Variants in RALGPS1 observed in about 807,000 individuals in gnomAD.
The protein encoded by RALGPS1 is Ral GEF with PH domain and SH3 binding motif 1, also known as ras-specific guanine nucleotide-releasing factor RalGPS1.
A neutral mutation model predicts 78.8 loss-of-function variants in RALGPS1; 19 were observed. That is an observed-to-expected ratio of 0.24 (90% confidence interval 0.17 to 0.35). The LOEUF is 0.35. Among genes scored for constraint, RALGPS1 ranks in the 10% least tolerant of loss-of-function variants. RALGPS1 has a pLI of 1.00. For missense variants in RALGPS1, 454 were observed against 688.3 expected (o/e 0.66, Z 3.81); for synonymous variants, 228 against 256.3 (o/e 0.89, Z 1.06).
chr9:127,101,433 C>T (rs535843780), intron 8 of RALGPS1, among the ~76,000 whole-genome samples: 1 of 152,200 alleles, frequency 6.6e-6, no homozygotes, highest in South Asian at 2.1e-4. Flanking sequence ...CTTGCAGGCT[C>T]ACTCCATGAG....
intron 3 of RALGPS1, among the ~76,000 whole-genome samples, chr9:126,973,746 TC>T (rs1410290222): frequency 6.6e-6 from 1 of 152,108 alleles, no homozygotes; most frequent in Admixed American, 6.6e-5. Flanking sequence ...ATTAAACAAC[TC>T]CCCATTCCCT....
intron 8 of RALGPS1, among the ~76,000 whole-genome samples, chr9:127,128,812 C>T (rs1020683050): frequency 2.0e-5 from 3 of 152,218 alleles, no homozygotes; most frequent in Non-Finnish European, 4.4e-5. Context: ...GGTGGTGCTA[C>T]TGTCCAGTGT....
At chr9:126,997,565 A>C (rs2042890074) in intron 4 of RALGPS1, among the ~76,000 whole-genome samples, 1 of 152,242 alleles carries the variant, frequency 6.6e-6, no homozygotes, top group African/African-American at 2.4e-5. Flanking sequence ...GGGTAGGAAG[A>C]ATCAATATCG....
At chr9:126,932,315 T>G (rs2035865607) in intron 1 of RALGPS1, among the ~76,000 whole-genome samples, 1 of 152,210 alleles carries the variant, frequency 6.6e-6, no homozygotes, top group South Asian at 2.1e-4. Context: ...CTATCCACTT[T>G]GGAAAATTGA....
chr9:127,025,557 C>T (rs1164380128), intron 4 of RALGPS1, among the ~76,000 whole-genome samples: 3 of 152,218 alleles, frequency 2.0e-5, no homozygotes, highest in Admixed American at 2.0e-4. Flanking sequence ...GTGCTTTTTG[C>T]GATGATTGAA....
intron 4 of RALGPS1, among the ~76,000 whole-genome samples, chr9:127,013,434 C>T (rs1403717126): frequency 6.6e-6 from 1 of 152,184 alleles, no homozygotes; most frequent in Non-Finnish European, 1.5e-5. Context: ...CCTGGAATGG[C>T]ATGCCTGCCC....
chr9:126,929,130 C>T (rs1292815437), intron 1 of RALGPS1, among the ~76,000 whole-genome samples: 1 of 152,190 alleles, frequency 6.6e-6, no homozygotes, highest in African/African-American at 2.4e-5. Context: ...GATATCTCCA[C>T]TGGACCAAAG....
intron 7 of RALGPS1, among the ~76,000 whole-genome samples, chr9:127,061,287 C>T (rs1406648673): frequency 1.3e-5 from 2 of 152,234 alleles, no homozygotes; most frequent in African/African-American, 4.8e-5. Flanking sequence ...GTCATGTGTG[C>T]AAGAGATGCT....
At chr9:127,182,961 G>A (rs2060377095) in intron 11 of RALGPS1, among the ~76,000 whole-genome samples, 2 of 152,174 alleles carry the variant, frequency 1.3e-5, no homozygotes, top group Admixed American at 6.5e-5. Context: ...GGCTTCTGGT[G>A]AGGGCCTCAA....
intron 8 of RALGPS1, among the ~76,000 whole-genome samples, chr9:127,146,058 A>T (rs976332197): frequency 5.9e-5 from 9 of 152,206 alleles, no homozygotes; most frequent in African/African-American, 1.7e-4. Flanking sequence ...GATTCTCGAT[A>T]CGTTATCTGT....
intron 8 of RALGPS1, among the ~76,000 whole-genome samples, chr9:127,137,190 G>T (rs936929660): frequency 6.6e-6 from 1 of 152,188 alleles, no homozygotes; most frequent in Non-Finnish European, 1.5e-5. Context: ...GTAGAGAAGG[G>T]CATGCAACCC....
chr9:126,968,002 C>CTTT (rs745689127), intron 3 of RALGPS1, among the ~76,000 whole-genome samples: 7 of 130,628 alleles, frequency 5.4e-5, no homozygotes, highest in East Asian at 2.4e-4. Context: ...GAGTTCAATT[C>CTTT]TTTTTTTTTT....
At chr9:126,925,193 C>G (rs1588461162) in intron 1 of RALGPS1, among the ~76,000 whole-genome samples, 1 of 151,884 alleles carries the variant, frequency 6.6e-6, no homozygotes, top group Non-Finnish European at 1.5e-5. Flanking sequence ...CCTTGCTGTC[C>G]TTTAGCTTAC....
At chr9:127,022,747 C>T (rs1188645749) in intron 4 of RALGPS1, among the ~76,000 whole-genome samples, 1 of 152,160 alleles carries the variant, frequency 6.6e-6, no homozygotes. Context: ...ACCTGCAGAG[C>T]ATGCTCCTTT....
chr9:127,049,048 A>G (rs1359998668), intron 5 of RALGPS1, among the ~76,000 whole-genome samples: 1 of 152,224 alleles, frequency 6.6e-6, no homozygotes, highest in African/African-American at 2.4e-5. Flanking sequence ...TAGCTCTGGA[A>G]TATCCTTAAC....
rs1397805911 is a variant in RALGPS1, at chr9:127,221,237, A to G, written c.*2468A>G. On this transcript the variant is annotated 3_prime_UTR_variant, in exon 19 of 19. Coordinates refer to ENST00000259351, the MANE Select transcript of RALGPS1 (RefSeq NM_014636.3). ...CAGAGAGGGCCAGGCACCAACCACAAGGCGGGAAAGTCCATGGGTAGACCC... is the reference window on the plus strand; with the variant it reads ...CAGAGAGGGCCAGGCACCAACCACAGGGCGGGAAAGTCCATGGGTAGACCC... The G allele has an allele frequency of 6.6e-6, 1 of 152,240 alleles. No homozygotes were observed. Among genetic ancestry groups the G allele is most frequent in the East Asian group, 1.9e-4 (1 of 5,194 alleles). The allele number at this position is 152,240 out of a possible 1,614,324, so 9.4% of individuals were successfully genotyped here.
At chr9:127,217,504 C>A in intron 18 of RALGPS1, 1 of 924,378 alleles carries the variant, frequency 1.1e-6, no homozygotes, top group African/African-American at 1.8e-5. Context: ...ATGTCCTAAA[C>A]TTGTTTTTAT....
intron 5 of RALGPS1, among the ~76,000 whole-genome samples, chr9:127,043,641 A>T (rs1050768381): frequency 6.6e-6 from 1 of 152,252 alleles, no homozygotes; most frequent in African/African-American, 2.4e-5. Flanking sequence ...TCACTCTGCA[A>T]AACACATGGT....
chr9:127,059,359 C>T (rs942721530), intron 7 of RALGPS1, among the ~76,000 whole-genome samples: 3 of 152,180 alleles, frequency 2.0e-5, no homozygotes, highest in African/African-American at 7.2e-5. Flanking sequence ...CTCACTCACA[C>T]ATCCTCATCA....
Sources: allele counts gnomAD v4.1 joint callset (sites outside exome capture counted in the v4.1 genomes callset), GRCh38; gene constraint gnomAD v4.1.1; transcripts MANE v1.5; gene names NCBI Gene and HGNC (gene_info 2026-07-23, HGNC 2026-07-21).